RARB: variants seen among roughly 807,000 people sequenced by gnomAD.
RARB encodes retinoic acid receptor beta, also known as HBV-activated protein.
A neutral mutation model predicts 51.9 loss-of-function variants in RARB; 17 were observed. The observed-to-expected ratio is 0.33, with a 90% CI of 0.22 to 0.49. The LOEUF (loss-of-function observed/expected upper bound fraction) is 0.49, where lower values mean the gene tolerates loss of function less well. Ranked by LOEUF, RARB falls within the 20% of genes least tolerant of loss-of-function variation. The pLI is 0.99. For missense variants in RARB, 369 were observed against 550.8 expected, an observed-to-expected ratio of 0.67 and a Z score of 3.30; for synonymous variants, 215 against 195.4, an observed-to-expected ratio of 1.10 and a Z score of -0.84.
chr3:24,969,113 T>C (rs1353597631), intron 2 of RARB, among the ~76,000 whole-genome samples: 1 of 152,128 alleles, frequency 6.6e-6, no homozygotes, highest in Non-Finnish European at 1.5e-5. Flanking sequence ...GAATAAATGG[T>C]AAAGCTTCTG....
chr3:25,199,510 TG>T (rs1701337436), intron 5 of RARB, among the ~76,000 whole-genome samples: 1 of 152,082 alleles, frequency 6.6e-6, no homozygotes, highest in Non-Finnish European at 1.5e-5. Context: ...TGTGCAGGTT[TG>T]TTACATATGT....
At chr3:24,892,139 G>A (rs1370054125) in intron 2 of RARB, among the ~76,000 whole-genome samples, 1 of 151,506 alleles carries the variant, frequency 6.6e-6, no homozygotes, top group Non-Finnish European at 1.5e-5. Context: ...AGATGAAGGA[G>A]GACATGTTTC....
At chr3:25,481,634 G>C (rs1478106192) in intron 2 of RARB, among the ~76,000 whole-genome samples, 1 of 152,190 alleles carries the variant, frequency 6.6e-6, no homozygotes, top group Non-Finnish European at 1.5e-5. Flanking sequence ...ATCCTAGCAG[G>C]ACAGTGCTTC....
intron 5 of RARB, among the ~76,000 whole-genome samples, chr3:25,215,366 C>T (rs565293626): frequency 1.3e-5 from 2 of 152,272 alleles, no homozygotes; most frequent in South Asian, 2.1e-4. Flanking sequence ...AAACTGTTGA[C>T]TGTTGTACCT....
intron 5 of RARB, among the ~76,000 whole-genome samples, chr3:25,273,735 A>C (rs930688577): frequency 6.6e-6 from 1 of 152,222 alleles, no homozygotes; most frequent in Admixed American, 6.5e-5. Context: ...GTGCCTTAGA[A>C]TAGGAAAGCA....
chr3:25,417,618 C>T lies in RARB; in HGVS notation c.179-43575C>T, dbSNP rs564988991. The stretch of plus-strand genomic sequence containing the variant: ...CACCATGATTATGAGGCCTCCCCAG[C>T]CTCATGGAACTGTGAGTCCGTTAAA... On this transcript the variant is annotated intron_variant, in intron 5 of 11. Coordinates refer to the RARB transcript ENST00000383772. 2.6e-5 allele frequency among the ~76,000 whole-genome samples: 4 copies of T among 152,298 alleles called. No homozygotes were observed. The South Asian group carries it at 8.3e-4, about 32-fold the overall frequency.
chr3:25,438,412 C>T (rs530136241), intron 1 of RARB, among the ~76,000 whole-genome samples: 49 of 152,264 alleles, frequency 3.2e-4, no homozygotes, highest in African/African-American at 1.1e-3. Flanking sequence ...TGCACTATAA[C>T]AAGAAAGAAA....
intron 1 of RARB, among the ~76,000 whole-genome samples, chr3:25,454,480 A>C (rs772684922): frequency 2.6e-5 from 4 of 152,204 alleles, no homozygotes; most frequent in African/African-American, 9.7e-5. Flanking sequence ...CATGCAGGAA[A>C]TGTCTTTTGC....
intron 5 of RARB, among the ~76,000 whole-genome samples, chr3:25,341,194 T>C (rs1319400859): frequency 2.0e-5 from 3 of 152,200 alleles, no homozygotes; most frequent in South Asian, 2.1e-4. Context: ...CTGTGGCATC[T>C]AAGACCGTGC....
intron 2 of RARB, among the ~76,000 whole-genome samples, chr3:24,900,188 G>A (rs1245193042): frequency 6.6e-6 from 1 of 152,136 alleles, no homozygotes; most frequent in East Asian, 1.9e-4. Context: ...TAGACTCCAA[G>A]GATTGTGGTA....
intron 2 of RARB, among the ~76,000 whole-genome samples, chr3:25,466,421 T>C (rs2125561995): frequency 6.6e-6 from 1 of 152,230 alleles, no homozygotes; most frequent in East Asian, 1.9e-4. Context: ...GTCTCAAACT[T>C]CCAACCTCAG....
chr3:24,890,976 C>A (rs1040548938), intron 2 of RARB, among the ~76,000 whole-genome samples: 1 of 152,130 alleles, frequency 6.6e-6, no homozygotes, highest in African/African-American at 2.4e-5. Context: ...GATAGACACC[C>A]ATTAGCAGCC....
At chr3:25,088,351 T>G (rs1211460094) in intron 3 of RARB, among the ~76,000 whole-genome samples, 1 of 152,178 alleles carries the variant, frequency 6.6e-6, no homozygotes, top group East Asian at 1.9e-4. Flanking sequence ...GTCAAGAGTT[T>G]TATTCGGTCT....
At chr3:25,300,760 C>T (rs1331056378) in intron 5 of RARB, among the ~76,000 whole-genome samples, 4 of 151,990 alleles carry the variant, frequency 2.6e-5, no homozygotes, top group African/African-American at 4.8e-5. Context: ...GAGGCCGAGG[C>T]GGGCGGATTG....
intron 1 of RARB, among the ~76,000 whole-genome samples, chr3:25,456,120 CTGAT>C (rs1262982736): frequency 4.6e-5 from 7 of 152,220 alleles, no homozygotes; most frequent in East Asian, 1.9e-4. Context: ...ATTCCATAGA[CTGAT>C]TGTGCTTGCC....
rs1702385777 is a variant in RARB, at chr3:24,839,252, A to T, written c.-459+9849A>T. Among the ~76,000 whole-genome samples the T allele has an allele frequency of 2.0e-5, 3 of 152,184 alleles. No homozygotes were observed. In the South Asian group the frequency reaches 6.2e-4, roughly 31 times the overall value. ...CCATAGTAAAAAATATAAACAAAAA[A>T]TAAGGAAGATACTGCTGCAGTGCTG... On this transcript the variant is annotated intron_variant, in intron 1 of 11. Coordinates refer to the RARB transcript ENST00000383772.
intron 5 of RARB, among the ~76,000 whole-genome samples, chr3:25,275,397 G>C (rs1234186190): frequency 6.6e-6 from 1 of 152,164 alleles, no homozygotes; most frequent in East Asian, 1.9e-4. Context: ...GGAGGTGGAA[G>C]CTGCAGTGAG....
intron 3 of RARB, among the ~76,000 whole-genome samples, chr3:25,072,791 C>T (rs1277093860): frequency 6.6e-6 from 1 of 152,016 alleles, no homozygotes; most frequent in Non-Finnish European, 1.5e-5. Flanking sequence ...TCACTGCAAG[C>T]TCCGCCTCCT....
At chr3:25,231,216 C>A (rs762261838) in intron 5 of RARB, among the ~76,000 whole-genome samples, 1 of 152,074 alleles carries the variant, frequency 6.6e-6, no homozygotes, top group Non-Finnish European at 1.5e-5. Flanking sequence ...CTCAACACTT[C>A]TGGAAAGTTT....
Sources: allele counts gnomAD v4.1 joint callset (sites outside exome capture counted in the v4.1 genomes callset), GRCh38; gene constraint gnomAD v4.1.1; transcripts MANE v1.5; gene names NCBI Gene and HGNC (gene_info 2026-07-23, HGNC 2026-07-21).